ARHGAP39: variants seen among roughly 807,000 people sequenced by gnomAD.
The protein encoded by ARHGAP39 is Rho GTPase activating protein 39.
ARHGAP39 carries 44 observed loss-of-function variants against 106.9 expected under a neutral mutation model. The observed-to-expected ratio is 0.41, with a 90% confidence interval of 0.32 to 0.53. The LOEUF is 0.53. ARHGAP39 is among the 20% of genes least tolerant of loss of function. ARHGAP39 has a pLI of 0.21. For synonymous variants in ARHGAP39, 768 were observed against 693.2 expected (o/e 1.11, Z -1.69); for missense variants, 1,496 against 1,577.3 (o/e 0.95, Z 0.87).
At chr8:144,681,368 T>C (rs942492168) in intron 1 of ARHGAP39, among the ~76,000 whole-genome samples, 7 of 152,196 alleles carry the variant, frequency 4.6e-5, no homozygotes, top group African/African-American at 1.7e-4. Context: ...CTCCACAGGC[T>C]GAACACCAGA....
chr8:144,545,378 G>A lies in ARHGAP39; in HGVS notation c.2392C>T (p.Leu798=). ...LCRQTTENFR[L]ESLARGWELM... is the part of the protein sequence containing the mutation. ...TCCCAGCCGCGGGCCAGGCTCTCCAGGCGGAAGTTCTCGGTGGTCTGCCGG... is the reference window on the plus strand; with the variant it reads ...TCCCAGCCGCGGGCCAGGCTCTCCAAGCGGAAGTTCTCGGTGGTCTGCCGG... Residue 798 remains leucine (L), a synonymous_variant, in exon 6 of 12, where the codon CTG becomes TTG. Coordinates refer to ENST00000377307, the MANE Select transcript of ARHGAP39 (RefSeq NM_025251.3). 6.2e-7 allele frequency: 1 copy of A among 1,600,434 alleles called. No homozygotes were observed.
chr8:144,633,121 G>A (rs1821102497), intron 1 of ARHGAP39, among the ~76,000 whole-genome samples: 1 of 151,238 alleles, frequency 6.6e-6, no homozygotes, highest in South Asian at 2.1e-4. Flanking sequence ...CAGCCTGGGT[G>A]ACACAGCAAG....
chr8:144,603,687 CAA>C (rs922284218), intron 2 of ARHGAP39, among the ~76,000 whole-genome samples: 117 of 77,594 alleles, frequency 1.5e-3, no homozygotes, highest in Admixed American at 2.1e-3. Flanking sequence ...GAGACTCCAT[CAA>C]AAAAAAAAAA....
chr8:144,687,943 C>T (rs1313577387), upstream of ARHGAP39, among the ~76,000 whole-genome samples: 1 of 135,058 alleles, frequency 7.4e-6, no homozygotes, highest in Non-Finnish European at 1.7e-5. Flanking sequence ...CACCCCGTGA[C>T]CACACATTTA....
Position 144,670,208 on chromosome 8 carries a change from G to A in ARHGAP39, c.-82+15478C>T, listed in dbSNP as rs943710843. Among the ~76,000 whole-genome samples, 4 of 152,168 alleles carry A rather than the reference G, an allele frequency of 2.6e-5. No individual in the cohort carries two copies. The highest frequency in any genetic ancestry group is 1.9e-4 in the East Asian group (1 of 5,192). On this transcript the variant is annotated intron_variant, in intron 1 of 11. Transcript: ENST00000377307. This position sits in a 1 kb window ranked among gnomAD's most constrained non-coding sequence, Gnocchi z 4.4. ...CTGTAAAAAGCAACAGAGCTCGGAC[G>A]CATGCTAGAGCGTACCGGGAAGCTG...
At chr8:144,577,614 T>C (rs1488459384) in intron 3 of ARHGAP39, among the ~76,000 whole-genome samples, 2 of 152,218 alleles carry the variant, frequency 1.3e-5, no homozygotes, top group East Asian at 3.8e-4. Context: ...GACATAGTCC[T>C]ATATATAGAA....
chr8:144,537,801 A>C lies in ARHGAP39; in HGVS notation c.2534T>G (p.Ile845Arg). The change falls in exon 7 of 12, where the codon ATA becomes AGA. Residue 845 changes from isoleucine to arginine, a missense_variant. By Grantham distance (97) the Ile-to-Arg change is moderately conservative. Transcript: ENST00000377307. ...AGTGTTTCTTTCCAGGAGCTCTTTTATGTGCTGTGTCACTGGGGAGCAAAG... is the reference window on the plus strand; with the variant it reads ...AGTGTTTCTTTCCAGGAGCTCTTTTCTGTGCTGTGTCACTGGGGAGCAAAG... ...PVNDTKVTQH[I>R]KELLERNTKK... 6.2e-7 allele frequency: 1 copy of C among 1,613,854 alleles called. No homozygotes were observed. Among genetic ancestry groups the C allele is most frequent in the South Asian group, 1.1e-5 (1 of 91,082 alleles).
At chr8:144,555,750 A>T (rs1817893217) in intron 3 of ARHGAP39, 107 bp from the exon 4 acceptor site, 2 of 968,132 alleles carry the variant, frequency 2.1e-6, no homozygotes, top group South Asian at 2.7e-5. Flanking sequence ...ATTTCCTGGA[A>T]ATAACCTGGC....
chr8:144,558,419 A>G (rs1474386828), intron 3 of ARHGAP39, among the ~76,000 whole-genome samples: 1 of 151,962 alleles, frequency 6.6e-6, no homozygotes, highest in Non-Finnish European at 1.5e-5. Flanking sequence ...CAGCCTCCCA[A>G]GTAGCTGGGA....
chr8:144,563,068 T>C (rs773672649), intron 3 of ARHGAP39, among the ~76,000 whole-genome samples: 1 of 152,258 alleles, frequency 6.6e-6, no homozygotes, highest in Non-Finnish European at 1.5e-5. Context: ...ACTAATTTTG[T>C]ATGACCTGAA....
rs1242358550 is a variant in ARHGAP39, at chr8:144,591,479, C to T, written c.81-10202G>A. ...ACCTGACCTAATTCAGGTGAACGGA[C>T]CCTGAAGAAGGACTTGTTTGCATCC... is the stretch of plus-strand genomic sequence containing the variant. On this transcript the variant is annotated intron_variant, in intron 2 of 11. Coordinates refer to ENST00000377307, the MANE Select transcript of ARHGAP39 (RefSeq NM_025251.3). The surrounding 1 kb of genome is among the most constrained non-coding windows in gnomAD (Gnocchi z 5.3). Among the ~76,000 whole-genome samples, 1 of 152,164 alleles carries T rather than the reference C, an allele frequency of 6.6e-6. No homozygotes were observed. The highest frequency in any genetic ancestry group is 1.5e-5 in the Non-Finnish European group (1 of 68,020).
chr8:144,603,275 G>C (rs1285775147), intron 2 of ARHGAP39, among the ~76,000 whole-genome samples: 1 of 151,300 alleles, frequency 6.6e-6, no homozygotes, highest in Non-Finnish European at 1.5e-5. Flanking sequence ...GCATGTGCGT[G>C]GAGGTGTGTG....
chr8:144,664,645 C>T (rs915394267), intron 1 of ARHGAP39, among the ~76,000 whole-genome samples: 15 of 152,166 alleles, frequency 9.9e-5, no homozygotes, highest in African/African-American at 2.4e-5. Flanking sequence ...GCTGGTCTTT[C>T]CTGTGTTATT....
At chr8:144,650,111 G>C (rs1447665115) in intron 1 of ARHGAP39, among the ~76,000 whole-genome samples, 1 of 151,814 alleles carries the variant, frequency 6.6e-6, no homozygotes. Flanking sequence ...GCACTGCACT[G>C]CAGCCTGGGC....
Position 144,670,924 on chromosome 8 carries a change from G to C in ARHGAP39, c.-82+14762C>G, listed in dbSNP as rs113380016. Among the ~76,000 whole-genome samples, 2,827 of 152,254 alleles carry C rather than the reference G, an allele frequency of 0.019. 42 individuals carry two copies. The highest frequency in any genetic ancestry group is 0.034 in the Middle Eastern group (10 of 292). ...TATCCATGGAATGGATGACCAGAAA[G>C]GCACGACCACCTAATCCAGCTCTGA... On this transcript the variant is annotated intron_variant, in intron 1 of 11. Transcript: ENST00000377307. This position sits in a 1 kb window ranked among gnomAD's most constrained non-coding sequence, Gnocchi z 4.4.
At chr8:144,534,013 G>A in intron 8 of ARHGAP39, 116 bp downstream of exon 8, 4 of 1,205,984 alleles carry the variant, frequency 3.3e-6, no homozygotes, top group Non-Finnish European at 4.7e-6. Context: ...CGGGCTCCAT[G>A]TGGCACCCTC....
At chr8:144,624,024 G>A (rs1020467263) in intron 1 of ARHGAP39, among the ~76,000 whole-genome samples, 17 of 152,210 alleles carry the variant, frequency 1.1e-4, no homozygotes, top group Non-Finnish European at 1.5e-4. Context: ...GAGAGCTGAC[G>A]GAGCAGCCTC....
At chr8:144,568,840 G>T (rs959565026) in intron 3 of ARHGAP39, among the ~76,000 whole-genome samples, 1 of 151,708 alleles carries the variant, frequency 6.6e-6, no homozygotes, top group Non-Finnish European at 1.5e-5. Context: ...GGGAGATAAA[G>T]GTGAATTTTA....
At chr8:144,631,147 C>T (rs902671652) in intron 1 of ARHGAP39, among the ~76,000 whole-genome samples, 7 of 152,324 alleles carry the variant, frequency 4.6e-5, no homozygotes, top group Non-Finnish European at 1.0e-4. Flanking sequence ...GCTCACTCAT[C>T]GCCAAGGGGG....
Sources: allele counts gnomAD v4.1 joint callset (sites outside exome capture counted in the v4.1 genomes callset), GRCh38; gene constraint gnomAD v4.1.1; non-coding constraint Gnocchi (gnomAD v3.1); transcripts MANE v1.5; gene names NCBI Gene and HGNC (gene_info 2026-07-23, HGNC 2026-07-21).